The following ZNF385D variants were observed in gnomAD, a reference collection of about 807,000 sequenced individuals.
ZNF385D encodes zinc finger protein 659.
A neutral mutation model predicts 35.8 loss-of-function variants in ZNF385D; 15 were observed. The ratio of observed to expected loss-of-function variants is 0.42; its 90% CI spans 0.28 to 0.64. The LOEUF (loss-of-function observed/expected upper bound fraction) is 0.64. ZNF385D is among the 30% of genes least tolerant of loss of function. The pLI, the probability that ZNF385D is intolerant of heterozygous loss-of-function variation, is 0.23. For synonymous variants in ZNF385D, 212 were observed against 186.8 expected (o/e 1.13, Z -1.10); for missense variants, 474 against 494.6 (o/e 0.96, Z 0.39).
intron 3 of ZNF385D, among the ~76,000 whole-genome samples, chr3:21,978,643 T>G (rs1246760096): frequency 2.6e-5 from 4 of 152,238 alleles, no homozygotes; most frequent in African/African-American, 9.6e-5. Context: ...TCTTATTCAA[T>G]TACTCTTTTA....
chr3:22,045,952 T>C (rs543533443), intron 3 of ZNF385D, among the ~76,000 whole-genome samples: 3 of 150,624 alleles, frequency 2.0e-5, no homozygotes, highest in Non-Finnish European at 3.0e-5. Context: ...CTAGGGACTA[T>C]TCATATCAAT....
chr3:21,763,299 T>G (rs2070698465), intron 3 of ZNF385D, among the ~76,000 whole-genome samples: 1 of 152,196 alleles, frequency 6.6e-6, no homozygotes, highest in Non-Finnish European at 1.5e-5. Flanking sequence ...TATTCAATCA[T>G]GATGTTCTTC....
At chr3:22,124,229 T>C (rs961973022) in intron 3 of ZNF385D, among the ~76,000 whole-genome samples, 2 of 152,066 alleles carry the variant, frequency 1.3e-5, no homozygotes, top group African/African-American at 2.4e-5. Flanking sequence ...GTCCTTCAGC[T>C]TCATCCATGC....
chr3:22,042,052 G>T (rs1161292405), intron 3 of ZNF385D, among the ~76,000 whole-genome samples: 5 of 152,090 alleles, frequency 3.3e-5, no homozygotes, highest in African/African-American at 1.2e-4. Context: ...TTAATTAGCG[G>T]GTAGGTAACT....
chr3:21,417,243 T>C lies in ZNF385D; in HGVS notation c.*3971A>G, dbSNP rs1053736552. 1 of 152,100 alleles carries C rather than the reference T, an allele frequency of 6.6e-6. No individual in the cohort carries two copies. Among genetic ancestry groups the C allele is most frequent in the Admixed American group, 6.6e-5 (1 of 15,262 alleles). 9.4% of individuals were successfully genotyped at this position (152,100 alleles called of 1,614,324 possible). On this transcript the variant is annotated 3_prime_UTR_variant, in exon 8 of 8. Transcript: ENST00000281523. ...CAATGCCCCTCTAGTGCTGATGTATTAAACCAGCTTAGCTATTAATCACTG... is the reference window on the plus strand; with the variant it reads ...CAATGCCCCTCTAGTGCTGATGTATCAAACCAGCTTAGCTATTAATCACTG...
intron 3 of ZNF385D, among the ~76,000 whole-genome samples, chr3:21,556,053 G>GTTT (rs1209768767): frequency 3.6e-5 from 4 of 110,786 alleles, no homozygotes; most frequent in African/African-American, 1.3e-4. Context: ...ACTTTTTGAC[G>GTTT]TTTTTTTTGT....
In ZNF385D at chr3:21,419,662, C is replaced by T. The variant is rs1370395756; in HGVS notation, c.*1552G>A. Reference sequence around the variant, plus strand: ...AACAGACTGGCTGCATCAAACCCCACCATTTTGATAGGTATATGTCAGCTT... The same window carrying T: ...AACAGACTGGCTGCATCAAACCCCATCATTTTGATAGGTATATGTCAGCTT... On this transcript the variant is annotated 3_prime_UTR_variant, in exon 8 of 8. Transcript: ENST00000281523. 6.6e-6 allele frequency: 1 copy of T among 152,070 alleles called. No homozygotes were observed. Among genetic ancestry groups the T allele is most frequent in the Non-Finnish European group, 1.5e-5 (1 of 67,996 alleles). 9.4% of individuals were successfully genotyped at this position (152,070 alleles called of 1,614,324 possible).
At chr3:22,313,301 A>C (rs1048476090) in intron 2 of ZNF385D, among the ~76,000 whole-genome samples, 1 of 151,768 alleles carries the variant, frequency 6.6e-6, no homozygotes, top group African/African-American at 2.4e-5. Flanking sequence ...CTAATGCTAA[A>C]TGACGAGTTA....
intron 3 of ZNF385D, among the ~76,000 whole-genome samples, chr3:21,523,426 G>T (rs1708039351): frequency 6.6e-6 from 1 of 152,130 alleles, no homozygotes; most frequent in Non-Finnish European, 1.5e-5. Context: ...ACTAAATAGT[G>T]CATAGGAATT....
chr3:21,658,414 G>A (rs1347337505), intron 2 of ZNF385D, among the ~76,000 whole-genome samples: 1 of 151,968 alleles, frequency 6.6e-6, no homozygotes, highest in African/African-American at 2.4e-5. Flanking sequence ...TCTGTTAGAT[G>A]TCAGTTATCT....
chr3:21,943,095 T>C (rs1329108262), intron 3 of ZNF385D, among the ~76,000 whole-genome samples: 1 of 152,160 alleles, frequency 6.6e-6, no homozygotes, highest in Non-Finnish European at 1.5e-5. Context: ...AACTTTAGGC[T>C]AAATTCAGCT....
chr3:22,012,846 T>C (rs1011563088), intron 3 of ZNF385D, among the ~76,000 whole-genome samples: 7 of 152,158 alleles, frequency 4.6e-5, no homozygotes, highest in Non-Finnish European at 8.8e-5. Flanking sequence ...ATAGATTACA[T>C]TTATTTAAAA....
rs532214043 is a variant in ZNF385D, at chr3:21,455,268, G to A, written c.440-18065C>T. Among the ~76,000 whole-genome samples the A allele has an allele frequency of 1.1e-4, 16 of 152,082 alleles. No homozygotes were observed. The East Asian group carries it at 1.2e-3, about 11-fold the overall frequency. ...TTCATATGGAACCAAAAAAGAACCC[G>A]CATCGCCAAGTCAATCCTAAGCCAA... On this transcript the variant is annotated intron_variant, in intron 4 of 7. Transcript: ENST00000281523.
chr3:21,793,225 T>C (rs1026426582), intron 3 of ZNF385D, among the ~76,000 whole-genome samples: 1 of 152,216 alleles, frequency 6.6e-6, no homozygotes, highest in Non-Finnish European at 1.5e-5. Context: ...TGAGAGCCAC[T>C]GAAGCACTCT....
At chr3:22,219,403 A>C (rs1290514720) in intron 2 of ZNF385D, among the ~76,000 whole-genome samples, 3 of 152,140 alleles carry the variant, frequency 2.0e-5, no homozygotes, top group African/African-American at 7.2e-5. Context: ...TTCCCAATCC[A>C]CACTTGAGTT....
intron 2 of ZNF385D, among the ~76,000 whole-genome samples, chr3:21,600,166 TAAAG>T (rs1450989933): frequency 1.3e-5 from 2 of 152,146 alleles, no homozygotes; most frequent in Non-Finnish European, 1.5e-5. Flanking sequence ...TTTAGCATAA[TAAAG>T]AAATAACCAT....
At chr3:22,232,758 C>G (rs1033198462) in intron 2 of ZNF385D, among the ~76,000 whole-genome samples, 16 of 152,114 alleles carry the variant, frequency 1.1e-4, no homozygotes, top group Non-Finnish European at 2.4e-4. Context: ...ATGGTGTGTG[C>G]CACATTTTCT....
At chr3:22,214,679 C>T (rs908365305) in intron 2 of ZNF385D, among the ~76,000 whole-genome samples, 1 of 151,992 alleles carries the variant, frequency 6.6e-6, no homozygotes, top group Non-Finnish European at 1.5e-5. Flanking sequence ...TCCCATAGCG[C>T]TCCCAGGCTT....
intron 3 of ZNF385D, among the ~76,000 whole-genome samples, chr3:21,821,599 G>A (rs531934466): frequency 1.3e-5 from 2 of 152,236 alleles, no homozygotes; most frequent in South Asian, 4.1e-4. Context: ...TTGTACTTAT[G>A]CAAAGATATT....
Sources: allele counts gnomAD v4.1 joint callset (sites outside exome capture counted in the v4.1 genomes callset), GRCh38; gene constraint gnomAD v4.1.1; transcripts MANE v1.5; gene names NCBI Gene and HGNC (gene_info 2026-07-23, HGNC 2026-07-21).